APC: variants seen among roughly 807,000 people sequenced by gnomAD.
APC encodes the protein adenomatous polyposis coli protein.
In APC, 72 loss-of-function variants were observed where a neutral mutation model predicts 247.0. That is an observed-to-expected ratio of 0.29 (90% CI 0.24 to 0.35). The LOEUF is 0.35. APC is among the 10% of genes least tolerant of loss of function. APC has a pLI of 1.00. For synonymous variants in APC, 1,254 were observed against 1,162.5 expected (o/e 1.08, Z -1.60); for missense variants, 3,400 against 3,360.7 (o/e 1.01, Z -0.29).
chr5:112,742,387 T>C (rs1753141879), intron 1 of APC, among the ~76,000 whole-genome samples: 1 of 152,184 alleles, frequency 6.6e-6, no homozygotes, highest in Non-Finnish European at 1.5e-5. Context: ...GTATAACAAA[T>C]TGTACCAAAA....
intron 1 of APC, among the ~76,000 whole-genome samples, chr5:112,746,729 AAAT>A (rs1450077488): frequency 6.6e-6 from 1 of 152,254 alleles, no homozygotes; most frequent in African/African-American, 2.4e-5. Flanking sequence ...TTAAATAGTG[AAAT>A]AATATGCCAT....
At chr5:112,731,247 G>A (rs914596388) in intron 1 of APC, among the ~76,000 whole-genome samples, 1 of 151,908 alleles carries the variant, frequency 6.6e-6, no homozygotes, top group Admixed American at 6.6e-5. Flanking sequence ...CTTTTAATTG[G>A]GCTTGCTTGA....
Position 112,749,641 on chromosome 5 carries a change from C to T in APC, c.-18-5232C>T, listed in dbSNP as rs539508748. Among the ~76,000 whole-genome samples, 17 of 152,064 alleles carry T rather than the reference C, an allele frequency of 1.1e-4. No homozygotes were observed. The South Asian group carries it at 2.5e-3, about 22-fold the overall frequency. On this transcript the variant is annotated intron_variant, in intron 1 of 15. Coordinates refer to ENST00000257430, the MANE Select transcript of APC (RefSeq NM_000038.6). The stretch of plus-strand genomic sequence containing the variant: ...GCGCTGGGACTACAGGCACATGCCA[C>T]CATGCCCGGCTAATTTTTGTATTTT...
upstream of APC, among the ~76,000 whole-genome samples, chr5:112,733,769 A>C (rs915682728): frequency 1.7e-4 from 26 of 152,306 alleles, no homozygotes; most frequent in African/African-American, 6.0e-4. Flanking sequence ...GAACTATTTT[A>C]TTGTAGGAAG....
rs775050442 is a variant in APC, at chr5:112,780,941, G to A, written c.645+38G>A. 15 of 1,308,128 alleles carry A rather than the reference G, an allele frequency of 1.1e-5. No homozygotes were observed. In the East Asian group the frequency reaches 3.4e-4, roughly 29 times the overall value. 81.0% of individuals were successfully genotyped at this position (1,308,128 alleles called of 1,614,324 possible). Reference sequence around the variant, plus strand: ...TTTCTAAGTGATAAAACAGCGAAGAGCTATTAGGAATAAAATGAATTACAG... The same window carrying A: ...TTTCTAAGTGATAAAACAGCGAAGAACTATTAGGAATAAAATGAATTACAG... On this transcript the variant is annotated intron_variant, in intron 6 of 15. Coordinates refer to ENST00000257430, the MANE Select transcript of APC (RefSeq NM_000038.6).
In APC at chr5:112,828,012, A is replaced by G. The variant is rs1197354854; in HGVS notation, c.1626+6A>G. On this transcript the variant is annotated splice_donor_region_variant and intron_variant, in intron 13 of 15. Transcript: ENST00000257430. The stretch of plus-strand genomic sequence containing the variant: ...AAAGTGAAGACTTACAGCAGGTACT[A>G]TTTAGAATTTCACCTGTTTTTCTTT... 2 of 1,610,538 alleles carry G rather than the reference A, an allele frequency of 1.2e-6. No individual in the cohort carries two copies. The highest frequency in any genetic ancestry group is 1.7e-6 in the Non-Finnish European group (2 of 1,178,256).
At chr5:112,737,684 G>C (rs2149681758), upstream of APC, among the ~76,000 whole-genome samples, 1 of 152,386 alleles carries the variant, frequency 6.6e-6, no homozygotes, top group East Asian at 1.9e-4. Flanking sequence ...TACGGGGCTA[G>C]GGCTAGGCAG....
intron 8 of APC, among the ~76,000 whole-genome samples, chr5:112,804,013 A>G (rs930551877): frequency 6.6e-6 from 1 of 151,684 alleles, no homozygotes; most frequent in African/African-American, 2.4e-5. Context: ...ATTTCTCACC[A>G]CTCCCTCAAC....
chr5:112,834,260 T>TA (rs35769203), intron 14 of APC, among the ~76,000 whole-genome samples: 8 of 124,640 alleles, frequency 6.4e-5, no homozygotes, highest in Admixed American at 8.6e-5. Context: ...TTTTTTTTTT[T>TA]AAAAAGAGTT....
chr5:112,720,391 T>A (rs1751417772), intron 1 of APC, among the ~76,000 whole-genome samples: 1 of 152,248 alleles, frequency 6.6e-6, no homozygotes, highest in Non-Finnish European at 1.5e-5. Context: ...AAATAGCTTT[T>A]TGTTTTAGAT....
intron 2 of APC, 52 bp downstream of exon 2, chr5:112,755,077 C>G (rs1412552473): frequency 3.1e-6 from 5 of 1,608,510 alleles, no homozygotes; most frequent in Non-Finnish European, 4.2e-6. Flanking sequence ...ATTCAGTATT[C>G]CCTCTTGTAA....
intron 7 of APC, among the ~76,000 whole-genome samples, chr5:112,798,878 T>C (rs978366429): frequency 7.9e-5 from 12 of 152,122 alleles, no homozygotes; most frequent in African/African-American, 2.7e-4. Flanking sequence ...GAAAACAAGT[T>C]ACTTATATTC....
intron 11 of APC, among the ~76,000 whole-genome samples, chr5:112,826,163 G>A (rs372262222): frequency 5.3e-5 from 8 of 152,054 alleles, no homozygotes; most frequent in African/African-American, 1.2e-4. Flanking sequence ...AAATATTAAC[G>A]TACTGGCTGT....
chr5:112,777,185 AACATTGGATT>A (rs1170842773), intron 5 of APC, among the ~76,000 whole-genome samples: 4 of 152,192 alleles, frequency 2.6e-5, no homozygotes, highest in African/African-American at 7.2e-5. Context: ...GCATTTCAGA[AACATTGGATT>A]ACCTGTGATT....
chr5:112,812,944 G>A (rs1483677834), intron 8 of APC, among the ~76,000 whole-genome samples: 2 of 152,068 alleles, frequency 1.3e-5, no homozygotes, highest in African/African-American at 4.8e-5. Context: ...CCTTCCCTAA[G>A]GAGGATTACT....
intron 10 of APC, among the ~76,000 whole-genome samples, chr5:112,820,803 C>G (rs1395057328): frequency 6.6e-5 from 10 of 152,118 alleles, no homozygotes; most frequent in Non-Finnish European, 1.2e-4. Flanking sequence ...TGTTTACTGT[C>G]TAGTATATCT....
chr5:112,758,849 C>T (rs1015150224), intron 2 of APC, among the ~76,000 whole-genome samples: 3 of 152,276 alleles, frequency 2.0e-5, no homozygotes, highest in African/African-American at 7.2e-5. Context: ...GTGATCCACC[C>T]GCCTCGGCCT....
At chr5:112,784,266 C>T (rs1758702134) in intron 6 of APC, among the ~76,000 whole-genome samples, 1 of 152,138 alleles carries the variant, frequency 6.6e-6, no homozygotes, top group African/African-American at 2.4e-5. Flanking sequence ...CAGGGTTTCA[C>T]CATATTGGTC....
chr5:112,725,602 A>G (rs1456021444), intron 1 of APC, among the ~76,000 whole-genome samples: 2 of 135,904 alleles, frequency 1.5e-5, no homozygotes, highest in African/African-American at 6.7e-5. Context: ...AAAACATACA[A>G]AAAAAAAAAA....
Sources: gnomAD v4.1 joint callset for allele counts (sites outside exome capture counted in the v4.1 genomes callset) on GRCh38, gnomAD v4.1.1 for gene constraint, MANE v1.5 for transcripts, NCBI Gene and HGNC (gene_info 2026-07-23, HGNC 2026-07-21) for gene names.